ESR1: variants seen among roughly 807,000 people sequenced by gnomAD.
ESR1 encodes estrogen receptor.
A neutral mutation model predicts 52.7 loss-of-function variants in ESR1; 12 were observed. The observed-to-expected ratio is 0.23, with a 90% CI of 0.15 to 0.37. The LOEUF is 0.37. Among genes scored for constraint, ESR1 ranks in the 10% least tolerant of loss-of-function variants. ESR1 has a pLI of 1.00. For missense variants in ESR1, 584 were observed against 779.7 expected, an observed-to-expected ratio of 0.75 and a Z score of 2.99; for synonymous variants, 305 against 316.8, an observed-to-expected ratio of 0.96 and a Z score of 0.39.
intron 3 of ESR1, among the ~76,000 whole-genome samples, chr6:151,924,582 A>G (rs2032339505): frequency 1.3e-5 from 2 of 151,190 alleles, no homozygotes; most frequent in African/African-American, 4.9e-5. Flanking sequence ...TCCTCTCCCC[A>G]CTCCCACTCT....
upstream of ESR1, among the ~76,000 whole-genome samples, chr6:151,800,937 A>G (rs1777174697): frequency 6.6e-6 from 1 of 152,068 alleles, no homozygotes; most frequent in Admixed American, 6.6e-5. Flanking sequence ...GAAAGAGCTG[A>G]AAGGCTGAAA....
At chr6:151,955,265 T>C (rs2036775878) in intron 4 of ESR1, among the ~76,000 whole-genome samples, 1 of 152,138 alleles carries the variant, frequency 6.6e-6, no homozygotes, top group African/African-American at 2.4e-5. Flanking sequence ...TAACATACCA[T>C]AGAAGCAATA....
intron 5 of ESR1, among the ~76,000 whole-genome samples, chr6:152,058,893 A>C (rs908528083): frequency 6.6e-6 from 1 of 152,200 alleles, no homozygotes; most frequent in African/African-American, 2.4e-5. Context: ...TGACGTAACA[A>C]TCTTGAGTCC....
At chr6:151,856,335 C>A (rs117857111) in intron 2 of ESR1, among the ~76,000 whole-genome samples, 11 of 152,084 alleles carry the variant, frequency 7.2e-5, no homozygotes, top group African/African-American at 2.7e-4. Flanking sequence ...TTAGCTTATA[C>A]GCCATAATTT....
intron 4 of ESR1, among the ~76,000 whole-genome samples, chr6:151,996,885 T>G (rs1562648047): frequency 6.6e-6 from 1 of 152,058 alleles, no homozygotes; most frequent in Non-Finnish European, 1.5e-5. Context: ...TCTCATTTTT[T>G]GGGTAATTTC....
At chr6:151,668,223 AG>A (rs1341146776) in intron 1 of ESR1, among the ~76,000 whole-genome samples, 2 of 152,242 alleles carry the variant, frequency 1.3e-5, no homozygotes, top group Admixed American at 6.5e-5. Context: ...TCCAGAGGAC[AG>A]GAACACTGTG....
intron 3 of ESR1, among the ~76,000 whole-genome samples, chr6:151,892,711 T>C (rs1794873793): frequency 6.6e-6 from 1 of 151,554 alleles, no homozygotes; most frequent in African/African-American, 2.4e-5. Context: ...CCAAAAAAGA[T>C]AATGAATTTT....
At chr6:152,062,932 T>C (rs1266475310) in intron 6 of ESR1, among the ~76,000 whole-genome samples, 2 of 152,236 alleles carry the variant, frequency 1.3e-5, no homozygotes, top group Non-Finnish European at 2.9e-5. Context: ...TCTGTTCCTA[T>C]GGCAGAGTGA....
chr6:151,912,959 A>T (rs1445304167), intron 3 of ESR1, among the ~76,000 whole-genome samples: 2 of 151,986 alleles, frequency 1.3e-5, no homozygotes, highest in African/African-American at 4.8e-5. Flanking sequence ...TAGGACAAAT[A>T]CCTAATGCAT....
chr6:152,052,268 T>TCCCA (rs781180563), intron 5 of ESR1, among the ~76,000 whole-genome samples: 18 of 152,036 alleles, frequency 1.2e-4, no homozygotes, highest in Non-Finnish European at 2.2e-4. Flanking sequence ...CCCGAACACC[T>TCCCA]CCCACCATGC....
intron 2 of ESR1, among the ~76,000 whole-genome samples, chr6:151,708,591 T>C (rs895915564): frequency 6.6e-6 from 1 of 152,202 alleles, no homozygotes; most frequent in Non-Finnish European, 1.5e-5. Flanking sequence ...TTCCCTGCTT[T>C]CTAATCTTTC....
At chr6:151,754,487 C>T (rs1304686613) in intron 2 of ESR1, among the ~76,000 whole-genome samples, 2 of 152,164 alleles carry the variant, frequency 1.3e-5, no homozygotes, top group African/African-American at 4.8e-5. Flanking sequence ...TTCTCTCAGG[C>T]TAGTGCCCAT....
intron 1 of ESR1, 144 bp downstream of exon 1, chr6:151,808,508 G>C (rs979697220): frequency 3.2e-6 from 2 of 631,218 alleles, no homozygotes; most frequent in African/African-American, 1.9e-5. Flanking sequence ...CCCGGGGCGC[G>C]CGGCCCAGCC....
rs746560126 is a variant in ESR1 at position 151,894,168 on chromosome 6, A to G, written c.760+13397A>G. Among the ~76,000 whole-genome samples the G allele has an allele frequency of 3.3e-5, 5 of 151,504 alleles. No homozygotes were observed. In the East Asian group the frequency reaches 7.7e-4, roughly 23 times the overall value. On this transcript the variant is annotated intron_variant, in intron 3 of 7. Transcript: ENST00000206249. ...CTTTGGTGATGTTGAGTATTTTTTC[A>G]TATGTTTGTTGGCCACTTTGTATCT...
intron 4 of ESR1, among the ~76,000 whole-genome samples, chr6:151,956,839 A>AAT (rs1439859098): frequency 1.8e-5 from 2 of 114,244 alleles, no homozygotes; most frequent in African/African-American, 8.5e-5. Context: ...TATAAATATA[A>AAT]ATAAATATAT....
chr6:152,123,593 C>A lies in ESR1; in HGVS notation c.851-1673C>A, dbSNP rs145457466. ...GGTGCTACTGTTTTCTTTTTGTGAACAGCCATTACCTTTTTTTGGTTACTA... is the reference window on the plus strand; with the variant it reads ...GGTGCTACTGTTTTCTTTTTGTGAAAAGCCATTACCTTTTTTTGGTTACTA... On this transcript the variant is annotated intron_variant, in intron 6 of 6. Transcript: ENST00000427531. Among the ~76,000 whole-genome samples, 769 of 152,266 alleles carry A rather than the reference C, an allele frequency of 5.1e-3. 14 individuals carry two copies. The highest frequency in any genetic ancestry group is 0.018 in the African/African-American group (749 of 41,558).
At chr6:151,759,626 C>G (rs1784526271) in intron 2 of ESR1, among the ~76,000 whole-genome samples, 1 of 152,230 alleles carries the variant, frequency 6.6e-6, no homozygotes, top group Admixed American at 6.5e-5. Context: ...CCTTCCCCAG[C>G]ATGCCCTGCA....
At chr6:152,007,220 T>C (rs1414506214) in intron 4 of ESR1, among the ~76,000 whole-genome samples, 2 of 151,978 alleles carry the variant, frequency 1.3e-5, no homozygotes, top group African/African-American at 2.4e-5. Context: ...AAGAAGTCCC[T>C]AGTAGAGCAG....
chr6:151,912,772 A>G (rs1346659492), intron 3 of ESR1, among the ~76,000 whole-genome samples: 1 of 152,180 alleles, frequency 6.6e-6, no homozygotes, highest in African/African-American at 2.4e-5. Context: ...CTTTGCAGGG[A>G]CATGGATGAA....
Sources: gnomAD v4.1 joint callset for allele counts (sites outside exome capture counted in the v4.1 genomes callset) on GRCh38, gnomAD v4.1.1 for gene constraint, MANE v1.5 for transcripts, NCBI Gene and HGNC (gene_info 2026-07-23, HGNC 2026-07-21) for gene names.